Variants in CTBP2 observed in about 807,000 individuals in gnomAD.
CTBP2 encodes the protein C-terminal binding protein 2.
CTBP2 carries 30 observed loss-of-function variants against 80.3 expected under a neutral mutation model. That is an observed-to-expected ratio of 0.37 (90% CI 0.28 to 0.51). The LOEUF (loss-of-function observed/expected upper bound fraction) is 0.51, where lower values mean the gene tolerates loss of function less well. Ranked by LOEUF, CTBP2 falls within the 20% of genes least tolerant of loss-of-function variation. The pLI, the probability that CTBP2 is intolerant of heterozygous loss-of-function variation, is 0.93. For synonymous variants in CTBP2, 594 were observed against 587.4 expected (o/e 1.01, Z -0.16); for missense variants, 1,212 against 1,375.3 (o/e 0.88, Z 1.88).
At chr10:124,994,868 G>A (rs1565017935) in intron 4 of CTBP2, among the ~76,000 whole-genome samples, 185 bp from the exon 7 acceptor site, 2 of 152,250 alleles carry the variant, frequency 1.3e-5, no homozygotes, top group Non-Finnish European at 2.9e-5. Flanking sequence ...CACCATGGCC[G>A]GTGTAGGACA....
intron 1 of CTBP2, among the ~76,000 whole-genome samples, chr10:125,117,479 C>T (rs1853538380): frequency 6.6e-6 from 1 of 152,184 alleles, no homozygotes; most frequent in Admixed American, 6.5e-5. Context: ...CCCAAGCCCA[C>T]CATATTAATT....
At chr10:125,079,700 T>C (rs949779522) in intron 2 of CTBP2, among the ~76,000 whole-genome samples, 3 of 152,224 alleles carry the variant, frequency 2.0e-5, no homozygotes, top group Non-Finnish European at 4.4e-5. Context: ...TGTATTGTCA[T>C]TGACAATAGA....
intron 2 of CTBP2, among the ~76,000 whole-genome samples, chr10:125,042,482 G>A (rs146014148): frequency 5.3e-5 from 8 of 152,350 alleles, no homozygotes; most frequent in Admixed American, 2.0e-4. Context: ...AACAAAAGCA[G>A]AGGGAACGTG....
At chr10:125,144,668 C>T (rs1218237508) in intron 1 of CTBP2, among the ~76,000 whole-genome samples, 1 of 151,718 alleles carries the variant, frequency 6.6e-6, no homozygotes, top group Admixed American at 6.6e-5. Flanking sequence ...GAAGGTTAAG[C>T]ATATTTGCCT....
chr10:125,068,669 G>A (rs563515973), intron 2 of CTBP2, among the ~76,000 whole-genome samples: 42 of 152,174 alleles, frequency 2.8e-4, no homozygotes, highest in Non-Finnish European at 4.0e-4. Flanking sequence ...GACAACTACT[G>A]GGTTTCCCAG....
At chr10:125,065,595 A>G (rs1426000956) in intron 2 of CTBP2, among the ~76,000 whole-genome samples, 3 of 152,100 alleles carry the variant, frequency 2.0e-5, no homozygotes, top group African/African-American at 7.2e-5. Context: ...TGGGTCTCTG[A>G]GCTGAGAGCT....
intron 2 of CTBP2, among the ~76,000 whole-genome samples, chr10:125,089,028 G>T (rs1458077170): frequency 6.6e-6 from 1 of 152,162 alleles, no homozygotes; most frequent in Non-Finnish European, 1.5e-5. Context: ...TATAAAATCA[G>T]TATCAGAGAC....
intron 1 of CTBP2, among the ~76,000 whole-genome samples, chr10:125,010,142 C>T (rs1039315106): frequency 7.4e-6 from 1 of 135,592 alleles, no homozygotes; most frequent in Admixed American, 8.1e-5. Context: ...TGCTGATGAG[C>T]GGGTGGCTCC....
chr10:125,147,577 G>T (rs1428074006), intron 1 of CTBP2, among the ~76,000 whole-genome samples: 2 of 152,076 alleles, frequency 1.3e-5, no homozygotes, highest in Non-Finnish European at 2.9e-5. Flanking sequence ...CCCTACCACA[G>T]GGCACGACAT....
chr10:124,998,025 G>C lies in CTBP2; in HGVS notation c.2124C>G (p.Ile708Met), dbSNP rs1245939651. 1.9e-6 allele frequency: 3 copies of C among 1,613,224 alleles called. No individual in the cohort carries two copies. The highest frequency in any genetic ancestry group is 2.5e-6 in the Non-Finnish European group (3 of 1,180,020). Residue 708 changes from isoleucine to methionine, a missense_variant, in exon 4 of 9, where the codon ATC becomes ATG. Coordinates refer to ENST00000309035, the MANE Select transcript of CTBP2 (RefSeq NM_022802.3). ...GGGCCGCTCCCGAGGCCACCTCGCG[G>C]ATCTGCTCCACGCTCTGAACCCGCG...
intron 1 of CTBP2, chr10:125,159,914 CCGCCGCCGCCGCTGCCCTCCGGA>C: frequency 6.5e-6 from 1 of 154,590 alleles, no homozygotes; most frequent in Non-Finnish European, 1.4e-5. Flanking sequence ...GACGCCGCCG[CCGCCGCCGCCGCTGCCCTCCGGA>C]CGCCGCCGCG....
intron 1 of CTBP2, among the ~76,000 whole-genome samples, chr10:125,114,132 C>T (rs558572658): frequency 2.0e-5 from 3 of 152,278 alleles, no homozygotes; most frequent in East Asian, 1.9e-4. Context: ...GAGTATACAA[C>T]GAGACGCAGA....
At chr10:125,032,369 T>C (rs1258331085), upstream of CTBP2, among the ~76,000 whole-genome samples, 4 of 152,240 alleles carry the variant, frequency 2.6e-5, no homozygotes, top group East Asian at 1.9e-4. Flanking sequence ...ACTCCACTGT[T>C]TGAGGTCTCC....
chr10:125,143,735 T>A (rs545957833), intron 1 of CTBP2, among the ~76,000 whole-genome samples: 21 of 152,340 alleles, frequency 1.4e-4, no homozygotes, highest in Admixed American at 7.8e-4. Context: ...TTATTTTGTA[T>A]TTAATCTCTA....
intron 1 of CTBP2, among the ~76,000 whole-genome samples, chr10:125,159,706 C>T (rs942578195): frequency 6.7e-6 from 1 of 149,060 alleles, no homozygotes; most frequent in African/African-American, 2.4e-5. Flanking sequence ...CCCCTCTTCT[C>T]CGCGCCCCCC....
chr10:125,017,634 A>T (rs796864162), intron 1 of CTBP2, among the ~76,000 whole-genome samples: 4 of 152,390 alleles, frequency 2.6e-5, no homozygotes, highest in African/African-American at 9.6e-5. Flanking sequence ...TTAATCACAC[A>T]AAAGAATGGC....
intron 1 of CTBP2, among the ~76,000 whole-genome samples, chr10:125,157,952 G>C (rs968718876): frequency 3.3e-5 from 5 of 152,112 alleles, no homozygotes; most frequent in Non-Finnish European, 5.9e-5. Flanking sequence ...CCAGACAAAA[G>C]AATATTTAGC....
At chr10:124,989,794 C>T in intron 8 of CTBP2, 96 bp from the exon 11 acceptor site, 1 of 1,214,110 alleles carries the variant, frequency 8.2e-7, no homozygotes, top group Non-Finnish European at 1.1e-6. Context: ...GAGACAGGAG[C>T]CCAGTGACAT....
chr10:124,996,850 CAA>C lies in CTBP2; in HGVS notation c.2185+1112_2185+1113del, dbSNP rs574320130. 429 of 152,366 alleles carry C rather than the reference CAA, an allele frequency of 2.8e-3. 1 individual carries two copies. The highest frequency in any genetic ancestry group is 9.6e-3 in the African/African-American group (399 of 41,578). The allele number at this position is 152,366 out of a possible 1,614,324, so 9.4% of individuals were successfully genotyped here. A position where few individuals can be genotyped will look rare whatever the true frequency, so the allele number is the denominator to read the frequency against. ...TTCACACACCACATCTGTTTTCCAA[CAA>C]AGTCAAAACACGGTGGGTCCTTTCA... On this transcript the variant is annotated intron_variant, in intron 4 of 8. Transcript: ENST00000309035.
Sources: allele counts gnomAD v4.1 joint callset (sites outside exome capture counted in the v4.1 genomes callset), GRCh38; gene constraint gnomAD v4.1.1; transcripts MANE v1.5; gene names NCBI Gene and HGNC (gene_info 2026-07-23, HGNC 2026-07-21).